Variants in SYF2 observed in about 807,000 individuals in gnomAD.
SYF2 encodes the protein SYF2 pre-mRNA splicing factor, also known as pre-mRNA-splicing factor SYF2.
A neutral mutation model predicts 32.7 loss-of-function variants in SYF2; 21 were observed. That is an observed-to-expected ratio of 0.64 (90% CI 0.45 to 0.92). The LOEUF (loss-of-function observed/expected upper bound fraction) is 0.92, where lower values mean the gene tolerates loss of function less well. Ranked by LOEUF, SYF2 falls within the 40% of genes least tolerant of loss-of-function variation. The pLI, the probability that SYF2 is intolerant of heterozygous loss-of-function variation, is 0.00. For synonymous variants in SYF2, 114 were observed against 103.9 expected (o/e 1.10, Z -0.59); for missense variants, 278 against 296.5 (o/e 0.94, Z 0.46).
rs1638636953 is a variant in SYF2 at position 25,231,861 on chromosome 1, C to G, written c.132+243G>C. The G allele has an allele frequency of 5.1e-6, 3 of 587,546 alleles. No individual in the cohort carries two copies. In the South Asian group the frequency reaches 5.7e-5, roughly 11 times the overall value. 36.4% of individuals were successfully genotyped at this position (587,546 alleles called of 1,614,324 possible). A position where few individuals can be genotyped will look rare whatever the true frequency, so the allele number is the denominator to read the frequency against. The stretch of plus-strand genomic sequence containing the variant: ...TAGTAATGGAGACTCCCAAACCTAA[C>G]CCAGATACATTAAATTGGATGTGGG... On this transcript the variant is annotated intron_variant, in intron 2 of 6. Coordinates refer to ENST00000236273, the MANE Select transcript of SYF2 (RefSeq NM_015484.5).
chr1:25,231,987 A>G (rs1638639289), intron 2 of SYF2, 117 bp downstream of exon 2: 1 of 1,009,016 alleles, frequency 9.9e-7, no homozygotes. Context: ...CTTTCCTCTC[A>G]GATGATCCTG....
chr1:25,231,884 G>A (rs183938171), intron 2 of SYF2: 7 of 615,430 alleles, frequency 1.1e-5, no homozygotes, highest in Non-Finnish European at 2.1e-5. Context: ...AATTGGATGT[G>A]GGTGGGAGAG....
At chr1:25,224,663 C>A (rs1055244020) in intron 6 of SYF2, among the ~76,000 whole-genome samples, 1 of 152,154 alleles carries the variant, frequency 6.6e-6, no homozygotes, top group Non-Finnish European at 1.5e-5. Context: ...CAAACCTAAG[C>A]GAGGAACATT....
At chr1:25,229,886 A>G (rs1320592264) in intron 2 of SYF2, among the ~76,000 whole-genome samples, 1 of 151,166 alleles carries the variant, frequency 6.6e-6, no homozygotes, top group African/African-American at 2.4e-5. Context: ...GAGCCATCTC[A>G]GCTCATTTCA....
rs1340849053 is a variant in SYF2 at position 25,229,249 on chromosome 1, A to G, written c.133-126T>C. 5.3e-6 allele frequency: 6 copies of G among 1,133,734 alleles called. No individual in the cohort carries two copies. The African/African-American group carries it at 9.4e-5, about 18-fold the overall frequency. The allele number at this position is 1,133,734 out of a possible 1,614,324, so 70.2% of individuals were successfully genotyped here. On this transcript the variant is annotated intron_variant, in intron 2 of 6. Transcript: ENST00000236273. ...CTGACCCCATTTTATCCTAAAAGCA[A>G]TAGAGAGCCATCACAGGATTTTAAG...
At position 25,225,110 on chromosome 1, in the gene SYF2, C is replaced by A. The variant is rs1638481104; in HGVS notation, c.468-10G>T. 2 of 1,591,370 alleles carry A rather than the reference C, an allele frequency of 1.3e-6. No individual in the cohort carries two copies. The highest frequency in any genetic ancestry group is 8.6e-7 in the Non-Finnish European group (1 of 1,159,410). On this transcript the variant is annotated splice_polypyrimidine_tract_variant and intron_variant, in intron 5 of 6. Transcript: ENST00000236273. ...GAAAAACTCTTCTCCACTGAAAAGG[C>A]AGCAAAATGAACTTACAGTAACACT...
chr1:25,231,754 C>G, intron 2 of SYF2: 1 of 300,774 alleles, frequency 3.3e-6, no homozygotes, highest in Non-Finnish European at 6.3e-6. Context: ...TGACACTAGA[C>G]AAGTTTCTTC....
chr1:25,228,151 T>C lies in SYF2; in HGVS notation c.343A>G (p.Lys115Glu), dbSNP rs1213110519. 2 of 1,613,916 alleles carry C rather than the reference T, an allele frequency of 1.2e-6. No individual in the cohort carries two copies. Among genetic ancestry groups the C allele is most frequent in the Non-Finnish European group, 1.7e-6 (2 of 1,179,964 alleles). Residue 115 changes from lysine (K) to glutamate (E), a missense_variant, in exon 4 of 7, where the codon AAG becomes GAG. Transcript: ENST00000236273. ...AEDAERWERK[K>E]KRKNPDLGFS... Reference sequence around the variant, plus strand: ...CCCAGATCAGGGTTTTTCCTCTTCTTTTTCCTCTCCCATCTTTCTGCATCT... The same window carrying C: ...CCCAGATCAGGGTTTTTCCTCTTCTCTTTCCTCTCCCATCTTTCTGCATCT...
chr1:25,224,984 G>A lies in SYF2; in HGVS notation c.566+18C>T. The stretch of plus-strand genomic sequence containing the variant: ...CATGAAGTATTTACAACGTCAAGCT[G>A]CTCTACTGAATACTTACTGTTTTTC... On this transcript the variant is annotated intron_variant, in intron 6 of 6. Coordinates refer to ENST00000236273, the MANE Select transcript of SYF2 (RefSeq NM_015484.5). 3 of 1,556,998 alleles carry A rather than the reference G, an allele frequency of 1.9e-6. No individual in the cohort carries two copies. The highest frequency in any genetic ancestry group is 2.7e-6 in the Non-Finnish European group (3 of 1,128,036).
intron 2 of SYF2, chr1:25,231,870 A>C: frequency 1.7e-6 from 1 of 597,006 alleles, no homozygotes; most frequent in Non-Finnish European, 3.0e-6. Flanking sequence ...ACCCAGATAC[A>C]TTAAATTGGA....
rs944758061 is a variant in SYF2 at position 25,227,590 on chromosome 1, T to C, written c.377-58A>G. The C allele has an allele frequency of 2.7e-5, 39 of 1,456,492 alleles. No homozygotes were observed. The African/African-American group carries it at 5.5e-4, about 21-fold the overall frequency. The allele number at this position is 1,456,492 out of a possible 1,614,324, so 90.2% of individuals were successfully genotyped here. Reference sequence around the variant, plus strand: ...TATTTCCTTGTTTGGACCTTCCTATTGAGAGAAAAATCTAAATTATCACAG... The same window carrying C: ...TATTTCCTTGTTTGGACCTTCCTATCGAGAGAAAAATCTAAATTATCACAG... On this transcript the variant is annotated intron_variant, in intron 4 of 6. Transcript: ENST00000236273.
chr1:25,228,018 T>C (rs1638548029), intron 4 of SYF2, 100 bp downstream of exon 4: 1 of 919,064 alleles, frequency 1.1e-6, no homozygotes, highest in Non-Finnish European at 1.7e-6. Context: ...ATCAAGAATA[T>C]CCCACGAAGC....
chr1:25,229,410 T>C (rs1638582514), intron 2 of SYF2, among the ~76,000 whole-genome samples: 1 of 152,188 alleles, frequency 6.6e-6, no homozygotes, highest in South Asian at 2.1e-4. Flanking sequence ...CCCTTTTTAT[T>C]GGATCAGAAC....
intron 6 of SYF2, 44 bp from the exon 7 acceptor site, chr1:25,223,475 T>C: frequency 6.3e-7 from 1 of 1,579,728 alleles, no homozygotes. Context: ...TTGCCTTCTC[T>C]TTTGATCTTA....
chr1:25,230,968 G>C (rs533633710), intron 2 of SYF2: 2 of 152,024 alleles, frequency 1.3e-5, no homozygotes, highest in African/African-American at 4.8e-5. Flanking sequence ...CAGCACGCCC[G>C]GCTAATTTTT....
intron 5 of SYF2, among the ~76,000 whole-genome samples, chr1:25,227,032 C>T (rs1460239122): frequency 1.3e-5 from 2 of 151,522 alleles, no homozygotes; most frequent in Non-Finnish European, 2.9e-5. Context: ...CCTGTAATCC[C>T]AGCACTTTGG....
intron 3 of SYF2, among the ~76,000 whole-genome samples, chr1:25,228,733 T>C (rs561158710): frequency 6.6e-6 from 1 of 152,354 alleles, no homozygotes; most frequent in East Asian, 1.9e-4. Flanking sequence ...GACCTTGTTT[T>C]AAATGTTTTA....
At chr1:25,232,300 G>A (rs906796674) in intron 1 of SYF2, 89 bp from the exon 2 acceptor site, 5 of 1,577,982 alleles carry the variant, frequency 3.2e-6, no homozygotes, top group Non-Finnish European at 4.3e-6. Flanking sequence ...CCCACAGGCT[G>A]GGCCTAGGGC....
At chr1:25,226,801 C>A (rs190738639) in intron 5 of SYF2, among the ~76,000 whole-genome samples, 31 of 152,026 alleles carry the variant, frequency 2.0e-4, no homozygotes, top group African/African-American at 7.2e-4. Flanking sequence ...CTGAGCAACA[C>A]AGTGAGACCC....
Sources: allele counts gnomAD v4.1 joint callset (sites outside exome capture counted in the v4.1 genomes callset), GRCh38; gene constraint gnomAD v4.1.1; transcripts MANE v1.5; gene names NCBI Gene and HGNC (gene_info 2026-07-23, HGNC 2026-07-21).